The following PCDH15 variants were observed in gnomAD, a reference collection of about 807,000 sequenced individuals.
The protein encoded by PCDH15 is protocadherin related 15.
Under a neutral mutation model 178.5 loss-of-function variants are expected in PCDH15, and 129 were observed. That is an observed-to-expected ratio of 0.72 (90% CI 0.63 to 0.84). The LOEUF (loss-of-function observed/expected upper bound fraction) is 0.84, where lower values mean the gene tolerates loss of function less well. Among genes scored for constraint, PCDH15 ranks in the 40% least tolerant of loss-of-function variants. The pLI is 0.00. For missense variants in PCDH15, 2,230 were observed against 2,099.9 expected (o/e 1.06, Z -1.21); for synonymous variants, 800 against 732.0 (o/e 1.09, Z -1.50).
chr10:53,903,108 AC>A, intron 26 of PCDH15, 134 bp downstream of exon 26: 2 of 946,894 alleles, frequency 2.1e-6, no homozygotes, highest in Non-Finnish European at 3.1e-6. Flanking sequence ...AGATAACTAA[AC>A]TAATATAGCT....
chr10:54,530,683 A>G (rs1019435007), intron 2 of PCDH15, among the ~76,000 whole-genome samples: 2 of 152,188 alleles, frequency 1.3e-5, no homozygotes, highest in Non-Finnish European at 2.9e-5. Flanking sequence ...CTCCTGCTAC[A>G]GTACCCTTAG....
intron 3 of PCDH15, among the ~76,000 whole-genome samples, chr10:54,807,571 G>A (rs902211239): frequency 6.6e-6 from 1 of 151,336 alleles, no homozygotes; most frequent in Non-Finnish European, 1.5e-5. Context: ...GGTCAAGCCA[G>A]CCTTATGTTG....
intron 17 of PCDH15, among the ~76,000 whole-genome samples, chr10:54,071,510 A>C (rs976124105): frequency 1.3e-5 from 2 of 152,112 alleles, no homozygotes; most frequent in African/African-American, 4.8e-5. Flanking sequence ...ATCTTTTGAC[A>C]CAAAATTTGT....
intron 2 of PCDH15, among the ~76,000 whole-genome samples, chr10:55,404,716 T>C (rs1046086094): frequency 1.3e-5 from 2 of 151,922 alleles, no homozygotes; most frequent in Non-Finnish European, 2.9e-5. Context: ...ATGTTTAACA[T>C]TTGAATGTAT....
intron 1 of PCDH15, among the ~76,000 whole-genome samples, chr10:54,768,540 T>C (rs1266990084): frequency 6.6e-6 from 1 of 151,972 alleles, no homozygotes; most frequent in Admixed American, 6.6e-5. Context: ...CTAAGCAGCA[T>C]TATGAAATAC....
chr10:55,546,741 G>C (rs1185635746), intron 2 of PCDH15, among the ~76,000 whole-genome samples: 1 of 152,102 alleles, frequency 6.6e-6, no homozygotes, highest in Non-Finnish European at 1.5e-5. Context: ...TATTTTTACT[G>C]ATAGCCTTAC....
chr10:54,153,728 C>T (rs1326351511), intron 13 of PCDH15, among the ~76,000 whole-genome samples: 1 of 152,150 alleles, frequency 6.6e-6, no homozygotes, highest in Non-Finnish European at 1.5e-5. Context: ...TTGTTACTCC[C>T]AACCTTCCTT....
chr10:55,184,044 G>A (rs961123739), intron 1 of PCDH15, among the ~76,000 whole-genome samples: 5 of 151,862 alleles, frequency 3.3e-5, no homozygotes, highest in Non-Finnish European at 7.4e-5. Flanking sequence ...TCCAGGAGCC[G>A]TATAACTCTT....
At chr10:54,074,916 G>C (rs4282900) in intron 17 of PCDH15, among the ~76,000 whole-genome samples, 1 of 151,816 alleles carries the variant, frequency 6.6e-6, no homozygotes. Flanking sequence ...CGTCTCTACT[G>C]GGTGTGAGGT....
intron 1 of PCDH15, among the ~76,000 whole-genome samples, chr10:55,201,451 T>C (rs564242437): frequency 1.3e-5 from 2 of 152,324 alleles, no homozygotes; most frequent in South Asian, 2.1e-4. Context: ...TGATTTATTA[T>C]ATAAGCACCT....
intron 15 of PCDH15, among the ~76,000 whole-genome samples, chr10:54,096,267 C>T (rs186554479): frequency 6.6e-6 from 1 of 151,780 alleles, no homozygotes; most frequent in South Asian, 2.1e-4. Flanking sequence ...TCCCAGTATC[C>T]CTTTTGATTG....
At chr10:54,873,059 G>A (rs577773024) in intron 3 of PCDH15, among the ~76,000 whole-genome samples, 47 of 152,178 alleles carry the variant, frequency 3.1e-4, no homozygotes, top group Non-Finnish European at 5.4e-4. Context: ...AATTCCATAA[G>A]TTACACCAAT....
At chr10:55,107,347 C>A (rs1413592782) in intron 2 of PCDH15, among the ~76,000 whole-genome samples, 1 of 152,108 alleles carries the variant, frequency 6.6e-6, no homozygotes, top group African/African-American at 2.4e-5. Context: ...GAAATGTTAA[C>A]AACAGGCTTA....
chr10:55,420,813 A>C (rs1179588320), intron 2 of PCDH15, among the ~76,000 whole-genome samples: 1 of 151,772 alleles, frequency 6.6e-6, no homozygotes, highest in Admixed American at 6.6e-5. Flanking sequence ...AGTATTTACT[A>C]TATGTCAAGC....
intron 2 of PCDH15, among the ~76,000 whole-genome samples, chr10:55,611,500 A>G (rs1023572057): frequency 2.0e-5 from 3 of 152,082 alleles, no homozygotes; most frequent in Admixed American, 2.0e-4. Flanking sequence ...GAAAAATGAA[A>G]GACAAGTGTT....
chr10:54,058,788 G>A (rs941637444), intron 18 of PCDH15, among the ~76,000 whole-genome samples: 1 of 151,718 alleles, frequency 6.6e-6, no homozygotes, highest in Non-Finnish European at 1.5e-5. Flanking sequence ...CTGCCTCCTG[G>A]GTTCAAGCTA....
intron 3 of PCDH15, among the ~76,000 whole-genome samples, chr10:54,391,753 T>C (rs1183776520): frequency 2.0e-5 from 3 of 152,186 alleles, no homozygotes; most frequent in Non-Finnish European, 4.4e-5. Flanking sequence ...GGAAGCCAAC[T>C]GAATGTCAGA....
At chr10:54,324,670 G>A (rs1260791677) in intron 7 of PCDH15, among the ~76,000 whole-genome samples, 1 of 152,062 alleles carries the variant, frequency 6.6e-6, no homozygotes, top group Non-Finnish European at 1.5e-5. Context: ...GGGAGGCTGA[G>A]TTAGGAGAAT....
At chr10:54,791,800 C>A (rs1951443322) in intron 1 of PCDH15, among the ~76,000 whole-genome samples, 1 of 151,872 alleles carries the variant, frequency 6.6e-6, no homozygotes, top group South Asian at 2.1e-4. Flanking sequence ...TTAGGCTGAG[C>A]CACCATTTCT....
Sources: allele counts gnomAD v4.1 joint callset (sites outside exome capture counted in the v4.1 genomes callset), GRCh38; gene constraint gnomAD v4.1.1; transcripts MANE v1.5; gene names NCBI Gene and HGNC (gene_info 2026-07-23, HGNC 2026-07-21).